The following NSMF variants were observed in gnomAD, a reference collection of about 807,000 sequenced individuals.
The protein encoded by NSMF is NMDA receptor synaptonuclear signaling and neuronal migration factor, also known as nasal embryonic LHRH factor.
NSMF carries 31 observed loss-of-function variants against 71.0 expected under a neutral mutation model. The observed-to-expected ratio is 0.44, with a 90% CI of 0.33 to 0.59. The LOEUF is 0.59. Among genes scored for constraint, NSMF ranks in the 20% least tolerant of loss-of-function variants. NSMF has a pLI of 0.04. For synonymous variants in NSMF, 345 were observed against 287.1 expected (o/e 1.20, Z -2.04); for missense variants, 673 against 740.5 (o/e 0.91, Z 1.06).
chr9:137,453,274 C>T lies in NSMF; in HGVS notation c.923-94G>A, dbSNP rs1192248228. 1 of 1,571,048 alleles carries T rather than the reference C, an allele frequency of 6.4e-7. No homozygotes were observed. ...GCCCACAGGGCCCGAAAGCCCCATC[C>T]CGGAGGGTCCTCCAAGCAAGTGGGA... On this transcript the variant is annotated intron_variant, in intron 8 of 15. Transcript: ENST00000371475. This position sits in a 1 kb window ranked among gnomAD's most constrained non-coding sequence, Gnocchi z 4.5.
intron 11 of NSMF, 23 bp downstream of exon 11, chr9:137,452,530 G>C (rs750660699): frequency 8.7e-6 from 14 of 1,612,482 alleles, no homozygotes; most frequent in Non-Finnish European, 1.2e-5. Flanking sequence ...AACCAGCAGA[G>C]AGAAGGCCAA....
chr9:137,458,938 C>A, intron 1 of NSMF, 94 bp downstream of exon 1: 1 of 1,037,118 alleles, frequency 9.6e-7, no homozygotes, highest in Non-Finnish European at 1.3e-6. Context: ...AGGCCGGGGC[C>A]CGGGAGCCCG....
Position 137,449,102 on chromosome 9 carries a change from G to C in NSMF, c.*292C>G. 1 of 559,244 alleles carries C rather than the reference G, an allele frequency of 1.8e-6. No homozygotes were observed. Among genetic ancestry groups the C allele is most frequent in the Admixed American group, 3.1e-5 (1 of 32,498 alleles). 34.6% of individuals were successfully genotyped at this position (559,244 alleles called of 1,614,324 possible). A position where few individuals can be genotyped will look rare whatever the true frequency, so the allele number is the denominator to read the frequency against. ...CTTATTTCTATGAACCCCATGGAGG[G>C]ATGCCCACAGCTGAGCCTCCAGGCG... On this transcript the variant is annotated 3_prime_UTR_variant, in exon 16 of 16. Transcript: ENST00000371475.
intron 3 of NSMF, 23 bp downstream of exon 3, chr9:137,457,384 A>G: frequency 1.2e-6 from 2 of 1,612,776 alleles, no homozygotes; most frequent in Non-Finnish European, 1.7e-6. Flanking sequence ...AAACCTGTCT[A>G]TGCCCTGACA....
rs1482492026 is a variant in NSMF, at chr9:137,449,046, T to C, written c.*348A>G. On this transcript the variant is annotated 3_prime_UTR_variant, in exon 16 of 16. Transcript: ENST00000371475. ...TAGTTAACAAGAAATGCTGCTTCCC[T>C]TTGAATTGTTTCGGGGGTGTAGAAA... The C allele has an allele frequency of 4.2e-5, 18 of 432,284 alleles. No individual in the cohort carries two copies. Among genetic ancestry groups the C allele is most frequent in the Non-Finnish European group, 6.9e-5 (16 of 230,894 alleles). 26.8% of individuals were successfully genotyped at this position (432,284 alleles called of 1,614,324 possible).
At chr9:137,452,881 A>G in intron 9 of NSMF, 62 bp from the exon 10 acceptor site, 2 of 1,547,080 alleles carry the variant, frequency 1.3e-6, no homozygotes. Flanking sequence ...GGGCTGTGGG[A>G]GCCCCCATGA....
chr9:137,453,464 G>A lies in NSMF; in HGVS notation c.922+267C>T. ...GGCGCCTGGGAGGGAGTGGGGGCGG[G>A]CACCGCAGCCCCCTGCCCCTGAGGG... is the stretch of plus-strand genomic sequence containing the variant. On this transcript the variant is annotated intron_variant, in intron 8 of 15. Coordinates refer to ENST00000371475, the MANE Select transcript of NSMF (RefSeq NM_001130969.3). This position sits in a 1 kb window ranked among gnomAD's most constrained non-coding sequence, Gnocchi z 4.5. The A allele has an allele frequency of 5.0e-6, 3 of 600,948 alleles. No individual in the cohort carries two copies. Among genetic ancestry groups the A allele is most frequent in the South Asian group, 4.0e-5 (2 of 50,502 alleles). The allele number at this position is 600,948 out of a possible 1,614,324, so 37.2% of individuals were successfully genotyped here. A position where few individuals can be genotyped will look rare whatever the true frequency, so the allele number is the denominator to read the frequency against.
At position 137,453,489 on chromosome 9, in the gene NSMF, G is replaced by A. The variant is rs1205296825; in HGVS notation, c.922+242C>T. 3.3e-6 allele frequency: 2 copies of A among 598,156 alleles called. No individual in the cohort carries two copies. The highest frequency in any genetic ancestry group is 5.9e-6 in the Non-Finnish European group (2 of 338,390). The allele number at this position is 598,156 out of a possible 1,614,324, so 37.1% of individuals were successfully genotyped here. On this transcript the variant is annotated intron_variant, in intron 8 of 15. Transcript: ENST00000371475. This position sits in a 1 kb window ranked among gnomAD's most constrained non-coding sequence, Gnocchi z 4.5. ...GCACCGCAGCCCCCTGCCCCTGAGG[G>A]CCTCTTGCGAGTGGCGGTGGGCACG...
At chr9:137,458,007 G>C in intron 2 of NSMF, 106 bp from the exon 3 acceptor site, 1 of 1,481,660 alleles carries the variant, frequency 6.7e-7, no homozygotes, top group East Asian at 2.5e-5. Flanking sequence ...TGGCCTCTGT[G>C]GGGGACTAGG....
At chr9:137,456,204 GTGT>G (rs1481172346) in intron 4 of NSMF, among the ~76,000 whole-genome samples, 204 of 147,770 alleles carry the variant, frequency 1.4e-3, no homozygotes, top group African/African-American at 5.1e-3. Flanking sequence ...GACTGTGTGT[GTGT>G]GGGGGGGGGG....
chr9:137,455,629 G>A lies in NSMF; in HGVS notation c.710C>T (p.Ser237Leu), dbSNP rs899841217. 1.9e-6 allele frequency: 3 copies of A among 1,550,252 alleles called. No homozygotes were observed. Among genetic ancestry groups the A allele is most frequent in the African/African-American group, 1.4e-5 (1 of 73,060 alleles). ...GGCACCAAGTCATACAGGTACTTAC[G>A]AGATGCTGAAGCCAGGGCCAGAAGG... ...QTATTTMQAI[S>L]VFRGYAERKR... is the part of the protein sequence containing the mutation. Residue 237 changes from serine (S) to leucine (L), a missense_variant and splice_region_variant, in exon 5 of 16, where the codon TCG becomes TTG. This residue lies in a region of NSMF where 471 missense variants were observed against 459.6 expected (regional missense o/e 1.02). Coordinates refer to ENST00000371475, the MANE Select transcript of NSMF (RefSeq NM_001130969.3).
chr9:137,449,068 G>C lies in NSMF; in HGVS notation c.*326C>G, dbSNP rs760567794. The C allele has an allele frequency of 5.7e-5, 28 of 489,510 alleles. No homozygotes were observed. Among genetic ancestry groups the C allele is most frequent in the Non-Finnish European group, 9.4e-5 (25 of 266,260 alleles). The allele number at this position is 489,510 out of a possible 1,614,324, so 30.3% of individuals were successfully genotyped here. Reference sequence around the variant, plus strand: ...CCCTTTGAATTGTTTCGGGGGTGTAGAAATTGCACTTATTTCTATGAACCC... The same window carrying C: ...CCCTTTGAATTGTTTCGGGGGTGTACAAATTGCACTTATTTCTATGAACCC... On this transcript the variant is annotated 3_prime_UTR_variant, in exon 16 of 16. Coordinates refer to ENST00000371475, the MANE Select transcript of NSMF (RefSeq NM_001130969.3).
chr9:137,458,160 C>T (rs1047000036), intron 2 of NSMF, among the ~76,000 whole-genome samples: 6 of 152,200 alleles, frequency 3.9e-5, no homozygotes, highest in African/African-American at 1.4e-4. Context: ...GGCCATCCCC[C>T]AGCCTGCGAT....
Position 137,453,751 on chromosome 9 carries a change from G to A in NSMF, c.902C>T (p.Thr301Ile). ...CCTACTGTCTCGGGAGTCGTGGGAA[G>A]TGTCGGCTTTCATGGGGGTGGGGTC... is the stretch of plus-strand genomic sequence containing the variant. ...WSDPTPMKAD[T>I]SHDSRDSSDL... The change falls in exon 8 of 16, where the codon ACT becomes ATT. Residue 301 changes from threonine (T) to isoleucine (I), a missense_variant. Physicochemically the swap from Thr to Ile is moderately conservative, Grantham distance 89. Coordinates refer to ENST00000371475, the MANE Select transcript of NSMF (RefSeq NM_001130969.3). This position sits in a 1 kb window ranked among gnomAD's most constrained non-coding sequence, Gnocchi z 4.5. The A allele has an allele frequency of 6.9e-6, 11 of 1,602,684 alleles. No homozygotes were observed. The highest frequency in any genetic ancestry group is 9.3e-6 in the Non-Finnish European group (11 of 1,178,556).
chr9:137,454,792 G>A (rs965967382), intron 6 of NSMF: 9 of 1,380,568 alleles, frequency 6.5e-6, no homozygotes, highest in Admixed American at 4.7e-5. Context: ...GCCTGCCTGC[G>A]CTGCAGCAGA....
Position 137,452,800 on chromosome 9 carries a change from G to C in NSMF, c.1067C>G (p.Pro356Arg). The change falls in exon 10 of 16, where the codon CCC becomes CGC. Residue 356 changes from proline to arginine, a missense_variant. This residue lies in a region of NSMF where 202 missense variants were observed against 280.8 expected (regional missense o/e 0.72). Coordinates refer to ENST00000371475, the MANE Select transcript of NSMF (RefSeq NM_001130969.3). ...PKVMLISSKV[P>R]KAEYIPTIIR... ...GATAGTGGGGATGTACTCAGCCTTG[G>C]GCACCTTGGAGGAAATGAGCTGCGG... The C allele has an allele frequency of 6.2e-7, 1 of 1,604,398 alleles. No homozygotes were observed. The highest frequency in any genetic ancestry group is 1.1e-5 in the South Asian group (1 of 89,582).
At chr9:137,454,212 C>A (rs1309884555) in intron 7 of NSMF, among the ~76,000 whole-genome samples, 179 bp downstream of exon 7, 1 of 3,524 alleles carries the variant, frequency 2.8e-4, no homozygotes, top group African/African-American at 1.1e-3. Context: ...GGGCTGGGGG[C>A]GTGGCTGGGA....
rs529585591 is a variant in NSMF at position 137,455,172 on chromosome 9, G to C, written c.779+67C>G. On this transcript the variant is annotated intron_variant, in intron 6 of 15. Coordinates refer to ENST00000371475, the MANE Select transcript of NSMF (RefSeq NM_001130969.3). The stretch of plus-strand genomic sequence containing the variant: ...CCCCCATCAGGTCTGCCAGGGCCGA[G>C]GGGGCCCAGGCCAGGCCAGCACAGA... 20 of 1,544,304 alleles carry C rather than the reference G, an allele frequency of 1.3e-5. No individual in the cohort carries two copies. The Admixed American group carries it at 2.7e-4, about 21-fold the overall frequency.
Position 137,458,476 on chromosome 9 carries a change from G to A in NSMF, c.133+12C>T. The A allele has an allele frequency of 6.3e-7, 1 of 1,575,286 alleles. No individual in the cohort carries two copies. Among genetic ancestry groups the A allele is most frequent in the Middle Eastern group, 1.7e-4 (1 of 6,026 alleles). On this transcript the variant is annotated intron_variant, in intron 2 of 15. Transcript: ENST00000371475. ...GTCTGGGCGGCCCTGGCACGGCCTCGCGTGCCCCTACCTGCGCCGTTGCGG... is the reference window on the plus strand; with the variant it reads ...GTCTGGGCGGCCCTGGCACGGCCTCACGTGCCCCTACCTGCGCCGTTGCGG...
Sources: gnomAD v4.1 joint callset for allele counts (sites outside exome capture counted in the v4.1 genomes callset) on GRCh38, gnomAD v4.1.1 for gene constraint, gnomAD v4.1.1 regional missense constraint, Gnocchi (gnomAD v3.1) non-coding constraint, MANE v1.5 for transcripts, NCBI Gene and HGNC (gene_info 2026-07-23, HGNC 2026-07-21) for gene names.